The following SEPTIN8 variants were observed in gnomAD, a reference collection of about 807,000 sequenced individuals.
SEPTIN8 encodes septin-8.
In SEPTIN8, 22 loss-of-function variants were observed where a neutral mutation model predicts 53.1. That is an observed-to-expected ratio of 0.41 (90% confidence interval 0.30 to 0.59). The LOEUF is 0.59. Among genes scored for constraint, SEPTIN8 ranks in the 20% least tolerant of loss-of-function variants. The pLI is 0.24. For synonymous variants in SEPTIN8, 228 were observed against 248.4 expected (o/e 0.92, Z 0.77); for missense variants, 536 against 638.7 (o/e 0.84, Z 1.73).
At chr5:132,758,889 C>G (rs948020893) in intron 9 of SEPTIN8, 31 of 1,465,538 alleles carry the variant, frequency 2.1e-5, no homozygotes, top group Non-Finnish European at 3.0e-5. Context: ...CAGACCAAAT[C>G]AAACAGAAGC....
chr5:132,761,082 AG>A lies in SEPTIN8; in HGVS notation c.1095+50del. 1 of 1,605,798 alleles carries A rather than the reference AG, an allele frequency of 6.2e-7. No homozygotes were observed. Among genetic ancestry groups the A allele is most frequent in the Non-Finnish European group, 8.5e-7 (1 of 1,173,290 alleles). On this transcript the variant is annotated intron_variant, in intron 8 of 9. Coordinates refer to ENST00000378719, the MANE Select transcript of SEPTIN8 (RefSeq NM_001098811.2). The surrounding 1 kb of genome is among the most constrained non-coding windows in gnomAD (Gnocchi z 5.8). ...GGCACCCCCACCTCTACCCTCAGCC[AG>A]GCCTTCCCTCCCTCAGCTTCCCCAT...
At chr5:132,752,972 C>T in intron 9 of SEPTIN8, 1 of 1,611,994 alleles carries the variant, frequency 6.2e-7, no homozygotes, top group Non-Finnish European at 8.5e-7. Context: ...GCCAACTAGC[C>T]CCTCTGCCTC....
At chr5:132,777,250 T>C, upstream of SEPTIN8, 2 of 1,129,042 alleles carry the variant, frequency 1.8e-6, no homozygotes, top group Admixed American at 4.9e-5. The surrounding 1 kb of genome is among the most constrained non-coding windows in gnomAD (Gnocchi z 4.1). Context: ...GGATCCAATA[T>C]GGCCACTTCC....
chr5:132,756,882 G>GT (rs1755393921), intron 9 of SEPTIN8: 1 of 985,294 alleles, frequency 1.0e-6, no homozygotes, highest in Non-Finnish European at 1.2e-6. Flanking sequence ...CATTTCTTAT[G>GT]TATCCAATGA....
At position 132,769,982 on chromosome 5, in the gene SEPTIN8, C is replaced by CATAT. The variant is rs1164726534; in HGVS notation, c.31-4457_31-4454dup. Among the ~76,000 whole-genome samples the CATAT allele has an allele frequency of 9.1e-3, 503 of 55,230 alleles. 3 individuals are homozygous for CATAT. Among genetic ancestry groups the CATAT allele is most frequent in the African/African-American group, 0.013 (221 of 16,668 alleles). 36.2% of individuals were successfully genotyped at this position (55,230 alleles called of 152,430 possible). On this transcript the variant is annotated intron_variant, in intron 1 of 9. Coordinates refer to ENST00000378719, the MANE Select transcript of SEPTIN8 (RefSeq NM_001098811.2). ...ACCCAAAAATCTCTCTCTATATATACATATATATATATATATATATATATA... is the reference window on the plus strand; with the variant it reads ...ACCCAAAAATCTCTCTCTATATATACATATATATATATATATATATATATATATA...
Position 132,750,959 on chromosome 5 carries a change from G to T in SEPTIN8, c.*1057C>A. 3 of 1,614,260 alleles carry T rather than the reference G, an allele frequency of 1.9e-6. No homozygotes were observed. Among genetic ancestry groups the T allele is most frequent in the Non-Finnish European group, 2.5e-6 (3 of 1,180,054 alleles). ...GGCTATTCTGGACAGACTGCACTGG[G>T]ACCTCTATATTGGGACGCCGCTGGA... On this transcript the variant is annotated 3_prime_UTR_variant, in exon 10 of 10. Coordinates refer to ENST00000378719, the MANE Select transcript of SEPTIN8 (RefSeq NM_001098811.2).
upstream of SEPTIN8, among the ~76,000 whole-genome samples, chr5:132,779,172 T>C (rs1163779046): frequency 6.6e-6 from 1 of 152,244 alleles, no homozygotes; most frequent in African/African-American, 2.4e-5. Flanking sequence ...TCTCTCATTT[T>C]ATGCTGCTGC....
chr5:132,753,368 C>G, intron 9 of SEPTIN8: 1 of 204,374 alleles, frequency 4.9e-6, no homozygotes, highest in Non-Finnish European at 1.0e-5. Context: ...GGGGCTAGCT[C>G]TGACCAGTTC....
rs768263046 is a variant in SEPTIN8, at chr5:132,761,516, G to A, written c.904C>T (p.Arg302Cys). 3 of 1,613,614 alleles carry A rather than the reference G, an allele frequency of 1.9e-6. No individual in the cohort carries two copies. The highest frequency in any genetic ancestry group is 1.3e-5 in the African/African-American group (1 of 74,892). ...AAGCCCATCTCCTCCAACTTGCAGC[G>A]CCGGTAGAGCTCGTAGTGCCGGCTG... ...THSRHYELYR[R>C]CKLEEMGFQD... Residue 302 changes from arginine to cysteine, a missense_variant, in exon 7 of 10, where the codon CGC (arginine) becomes TGC (cysteine). Arg to Cys is a radical substitution (Grantham distance 180, BLOSUM62 -3). Coordinates refer to ENST00000378719, the MANE Select transcript of SEPTIN8 (RefSeq NM_001098811.2). The surrounding 1 kb of genome is among the most constrained non-coding windows in gnomAD (Gnocchi z 5.8).
intron 1 of SEPTIN8, among the ~76,000 whole-genome samples, chr5:132,768,186 G>A (rs113669850): frequency 2.6e-5 from 4 of 152,180 alleles, no homozygotes; most frequent in African/African-American, 4.8e-5. Context: ...GAAGTGTGGG[G>A]TACAGGGAGG....
At chr5:132,765,365 G>T (rs753714597) in intron 2 of SEPTIN8, 44 bp downstream of exon 2, 14 of 1,607,342 alleles carry the variant, frequency 8.7e-6, no homozygotes, top group Non-Finnish European at 1.2e-5. Context: ...TCTCCCAGGA[G>T]GTTCTCACCC....
Position 132,764,853 on chromosome 5 carries a change from A to G in SEPTIN8, c.152-434T>C, listed in dbSNP as rs1056703456. On this transcript the variant is annotated intron_variant, in intron 2 of 9. Coordinates refer to ENST00000378719, the MANE Select transcript of SEPTIN8 (RefSeq NM_001098811.2). ...CAGTGGCTCAACCCATGCGCCCCGG[A>G]CAGCCCTAGCTCCACATGGCTTTAG... Among the ~76,000 whole-genome samples, 5 of 152,082 alleles carry G rather than the reference A, an allele frequency of 3.3e-5. No homozygotes were observed. The South Asian group carries it at 6.2e-4, about 19-fold the overall frequency.
Position 132,763,868 on chromosome 5 carries a change from G to A in SEPTIN8, c.372C>T (p.Ile124=), listed in dbSNP as rs1452542118. ...GCAGATAATTTTCAAACTGCGCATC[G>A]ATGTAGTCAACTATGGGCCTGTAAC... The part of the protein sequence containing the change: ...DESYRPIVDY[I]DAQFENYLQE... Residue 124 remains isoleucine (I), a synonymous_variant, in exon 4 of 10, where the codon ATC becomes ATT. Coordinates refer to ENST00000378719, the MANE Select transcript of SEPTIN8 (RefSeq NM_001098811.2). 4.4e-6 allele frequency: 7 copies of A among 1,589,988 alleles called. No homozygotes were observed. Among genetic ancestry groups the A allele is most frequent in the Admixed American group, 1.7e-5 (1 of 58,272 alleles).
chr5:132,779,509 C>T (rs988036491), upstream of SEPTIN8, among the ~76,000 whole-genome samples: 1 of 152,198 alleles, frequency 6.6e-6, no homozygotes, highest in Admixed American at 6.5e-5. Flanking sequence ...TGCATACATA[C>T]CCAGCACCAC....
upstream of SEPTIN8, chr5:132,777,580 G>T: frequency 2.7e-5 from 26 of 978,286 alleles, no homozygotes; most frequent in Non-Finnish European, 3.2e-5. The surrounding 1 kb of genome is among the most constrained non-coding windows in gnomAD (Gnocchi z 4.1). Context: ...AGCCTTTCCC[G>T]TAAGGGGGAA....
intron 9 of SEPTIN8, chr5:132,757,849 G>A: frequency 3.0e-6 from 3 of 985,472 alleles, no homozygotes; most frequent in Non-Finnish European, 3.6e-6. Flanking sequence ...ATATACATCA[G>A]ACACCTTCAT....
At chr5:132,754,683 A>G (rs1265292339) in intron 9 of SEPTIN8, among the ~76,000 whole-genome samples, 3 of 152,210 alleles carry the variant, frequency 2.0e-5, no homozygotes, top group Non-Finnish European at 4.4e-5. Context: ...GTGCTTTTCA[A>G]GCTTGCCGTG....
In SEPTIN8 at chr5:132,761,548, T is replaced by C. The variant is rs374876169; in HGVS notation, c.872A>G (p.Gln291Arg). 29 of 1,613,836 alleles carry C rather than the reference T, an allele frequency of 1.8e-5. No individual in the cohort carries two copies. Among genetic ancestry groups the C allele is most frequent in the Non-Finnish European group, 2.3e-5 (27 of 1,180,002 alleles). The change falls in exon 7 of 10, where the codon CAG (glutamine) becomes CGG (arginine). Residue 291 changes from glutamine (Q) to arginine (R), a missense_variant. By Grantham distance (43) the Gln-to-Arg change is conservative. Coordinates refer to ENST00000378719, the MANE Select transcript of SEPTIN8 (RefSeq NM_001098811.2). The surrounding 1 kb of genome is among the most constrained non-coding windows in gnomAD (Gnocchi z 5.8). Reference protein sequence around the residue: ...IRVNMEDLREQTHSRHYELYR... With the variant: ...IRVNMEDLRERTHSRHYELYR... Reference sequence around the variant, plus strand: ...GAGCTCGTAGTGCCGGCTGTGGGTCTGCTCGCGGAGGTCTTCCATGTTCAC... The same window carrying C: ...GAGCTCGTAGTGCCGGCTGTGGGTCCGCTCGCGGAGGTCTTCCATGTTCAC...
At position 132,773,169 on chromosome 5, in the gene SEPTIN8, G is replaced by T. The variant is rs546640029; in HGVS notation, c.30+3939C>A. Among the ~76,000 whole-genome samples, 2 of 152,102 alleles carry T rather than the reference G, an allele frequency of 1.3e-5. No individual in the cohort carries two copies. Among genetic ancestry groups the T allele is most frequent in the African/African-American group, 4.8e-5 (2 of 41,340 alleles). On this transcript the variant is annotated intron_variant, in intron 1 of 9. Coordinates refer to ENST00000378719, the MANE Select transcript of SEPTIN8 (RefSeq NM_001098811.2). The surrounding 1 kb of genome is among the most constrained non-coding windows in gnomAD (Gnocchi z 4.2). ...AGAGTGCCCCAGCTCTACCACAAGG[G>T]CATGGAGACCTTGGGAGGGCGTCTC...
Sources: gnomAD v4.1 joint callset for allele counts (sites outside exome capture counted in the v4.1 genomes callset) on GRCh38, gnomAD v4.1.1 for gene constraint, Gnocchi (gnomAD v3.1) non-coding constraint, MANE v1.5 for transcripts, NCBI Gene and HGNC (gene_info 2026-07-23, HGNC 2026-07-21) for gene names.